Variants in SERPINI1 observed in about 807,000 individuals in gnomAD.
SERPINI1 encodes the protein neuroserpin.
A neutral mutation model predicts 41.1 loss-of-function variants in SERPINI1; 19 were observed. The observed-to-expected ratio is 0.46, with a 90% CI of 0.32 to 0.68. SERPINI1 has a LOEUF of 0.68. Among genes scored for constraint, SERPINI1 ranks in the 30% least tolerant of loss-of-function variants. The pLI is 0.03. For synonymous variants in SERPINI1, 138 were observed against 156.6 expected (o/e 0.88, Z 0.89); for missense variants, 460 against 479.2 (o/e 0.96, Z 0.37).
chr3:167,737,104 T>C lies in SERPINI1; in HGVS notation c.-19+1281T>C, dbSNP rs554274909. 2.0e-5 allele frequency among the ~76,000 whole-genome samples: 3 copies of C among 152,258 alleles called. No homozygotes were observed. The South Asian group carries it at 6.2e-4, about 32-fold the overall frequency. On this transcript the variant is annotated intron_variant, in intron 1 of 8. Coordinates refer to ENST00000446050, the MANE Select transcript of SERPINI1 (RefSeq NM_001122752.2). ...TGAGTTCTCGGGATTTTAAATTTTATTTTTGTAATGCATCCCAAATTTCTT... is the reference window on the plus strand; with the variant it reads ...TGAGTTCTCGGGATTTTAAATTTTACTTTTGTAATGCATCCCAAATTTCTT...
At position 167,817,395 on chromosome 3, in the gene SERPINI1, C is replaced by T. The variant is rs537411519; in HGVS notation, c.980-5591C>T. ...ATAGCTTTTATTCTCTTTCTAATGTCTAGAACGGTTTTACAACAGGCAATC... is the reference window on the plus strand; with the variant it reads ...ATAGCTTTTATTCTCTTTCTAATGTTTAGAACGGTTTTACAACAGGCAATC... On this transcript the variant is annotated intron_variant, in intron 6 of 8. Coordinates refer to ENST00000446050, the MANE Select transcript of SERPINI1 (RefSeq NM_001122752.2). 4.2e-3 allele frequency among the ~76,000 whole-genome samples: 631 copies of T among 151,966 alleles called. 8 individuals are homozygous for T. Among genetic ancestry groups the T allele is most frequent in the African/African-American group, 0.014 (591 of 41,406 alleles).
At chr3:167,768,427 G>A (rs184563874) in intron 1 of SERPINI1, among the ~76,000 whole-genome samples, 1 of 152,240 alleles carries the variant, frequency 6.6e-6, no homozygotes, top group East Asian at 1.9e-4. Flanking sequence ...ACTTTATTGT[G>A]TTATTAACTT....
At chr3:167,778,479 G>T (rs925725276) in intron 1 of SERPINI1, among the ~76,000 whole-genome samples, 3 of 152,166 alleles carry the variant, frequency 2.0e-5, no homozygotes, top group African/African-American at 7.2e-5. Flanking sequence ...GATTCAAACT[G>T]TCTTTGGAAG....
At chr3:167,772,864 C>CTCTCTCTCTATATA (rs1374013676) in intron 1 of SERPINI1, among the ~76,000 whole-genome samples, 73 of 24,570 alleles carry the variant, frequency 3.0e-3, no homozygotes, top group Non-Finnish European at 3.8e-3. Flanking sequence ...CTCTCTCTCT[C>CTCTCTCTCTATATA]TATATATATA....
At chr3:167,790,043 C>G (rs1727446785) in intron 2 of SERPINI1, among the ~76,000 whole-genome samples, 2 of 152,128 alleles carry the variant, frequency 1.3e-5, no homozygotes, top group Non-Finnish European at 2.9e-5. Context: ...GAATTTTAAA[C>G]TAGGTACTTT....
intron 5 of SERPINI1, among the ~76,000 whole-genome samples, chr3:167,805,298 G>A (rs1326056158): frequency 6.6e-6 from 1 of 152,174 alleles, no homozygotes; most frequent in East Asian, 1.9e-4. Context: ...CTAACGACCA[G>A]TGATGATGAG....
intron 1 of SERPINI1, among the ~76,000 whole-genome samples, chr3:167,751,274 G>C (rs1265842847): frequency 5.3e-5 from 8 of 152,174 alleles, no homozygotes; most frequent in Non-Finnish European, 1.0e-4. Flanking sequence ...TATCTGCTAA[G>C]AAACTGCAGA....
At chr3:167,772,877 TATATATATATATATATACACAC>T (rs1357409962) in intron 1 of SERPINI1, among the ~76,000 whole-genome samples, 2 of 64,148 alleles carry the variant, frequency 3.1e-5, no homozygotes, top group East Asian at 8.2e-4. Context: ...TATATATATA[TATATATATATATATATACACAC>T]ACACACACAC....
chr3:167,789,313 T>A lies in SERPINI1; in HGVS notation c.185T>A (p.Leu62His). The change falls in exon 2 of 9, where the codon CTT becomes CAT. Residue 62 changes from leucine (L) to histidine (H), a missense_variant. Transcript: ENST00000446050. ...GCTCTTGCAATGGGAATGATGGAAC[T>A]TGGGGCCCAAGGATCTACCCAGAAA... is the stretch of plus-strand genomic sequence containing the variant. ...SIALAMGMMELGAQGSTQKEI... is the reference protein window; with the variant it reads ...SIALAMGMMEHGAQGSTQKEI... 7.4e-6 allele frequency: 12 copies of A among 1,614,200 alleles called. No individual in the cohort carries two copies. Among genetic ancestry groups the A allele is most frequent in the Non-Finnish European group, 1.0e-5 (12 of 1,180,016 alleles).
At chr3:167,755,911 C>T (rs1009081296) in intron 1 of SERPINI1, among the ~76,000 whole-genome samples, 3 of 151,558 alleles carry the variant, frequency 2.0e-5, no homozygotes, top group African/African-American at 4.9e-5. Context: ...GGGACCAGGC[C>T]GCTGACTGAA....
At chr3:167,815,106 G>A (rs6809129) in intron 6 of SERPINI1, among the ~76,000 whole-genome samples, 25,093 of 152,072 alleles carry the variant, frequency 0.17, 2,514 homozygotes, top group African/African-American at 0.28. Context: ...TGTGCAAGGT[G>A]TTGTGCATAA....
chr3:167,772,291 G>C (rs1726782550), intron 1 of SERPINI1, among the ~76,000 whole-genome samples: 1 of 152,050 alleles, frequency 6.6e-6, no homozygotes, highest in Admixed American at 6.5e-5. Flanking sequence ...TTGAAACTTA[G>C]ATATTTCTAT....
chr3:167,757,868 G>A (rs908526249), intron 1 of SERPINI1, among the ~76,000 whole-genome samples: 4 of 152,118 alleles, frequency 2.6e-5, no homozygotes, highest in African/African-American at 7.2e-5. Flanking sequence ...GCAGTGAGCC[G>A]AGATCACGCC....
At chr3:167,812,845 T>C (rs1711939877) in intron 6 of SERPINI1, among the ~76,000 whole-genome samples, 1 of 152,182 alleles carries the variant, frequency 6.6e-6, no homozygotes, top group Non-Finnish European at 1.5e-5. Flanking sequence ...TGAGAATCAT[T>C]TTCTTCTCAG....
chr3:167,757,642 G>A (rs1726236175), intron 1 of SERPINI1, among the ~76,000 whole-genome samples: 1 of 152,102 alleles, frequency 6.6e-6, no homozygotes, highest in African/African-American at 2.4e-5. Flanking sequence ...ACTGTGGCTG[G>A]GTGTGGTGGC....
At chr3:167,754,788 G>T (rs1726146415) in intron 1 of SERPINI1, among the ~76,000 whole-genome samples, 1 of 152,106 alleles carries the variant, frequency 6.6e-6, no homozygotes, top group African/African-American at 2.4e-5. Context: ...TCCACTTCAG[G>T]AGTTCTCAAT....
chr3:167,817,698 C>T (rs901055813), intron 6 of SERPINI1, among the ~76,000 whole-genome samples: 10 of 151,730 alleles, frequency 6.6e-5, no homozygotes, highest in East Asian at 2.0e-4. Flanking sequence ...CCTGGGTTCA[C>T]GCCATTCTCC....
At position 167,824,445 on chromosome 3, in the gene SERPINI1, A is replaced by G. The variant is rs768701830; in HGVS notation, c.1067-28A>G. 1.2e-5 allele frequency: 18 copies of G among 1,549,840 alleles called. No individual in the cohort carries two copies. The South Asian group carries it at 1.2e-4, about 11-fold the overall frequency. ...CATTAGTCTCTGCACATCCACAGAC[A>G]TATAATTACTTTTTATCTGCACTGT... is the stretch of plus-strand genomic sequence containing the variant. On this transcript the variant is annotated intron_variant, in intron 7 of 8. Transcript: ENST00000446050.
At chr3:167,751,919 C>T (rs1026171693) in intron 1 of SERPINI1, among the ~76,000 whole-genome samples, 1 of 152,090 alleles carries the variant, frequency 6.6e-6, no homozygotes, top group African/African-American at 2.4e-5. Flanking sequence ...AAATTGCCAA[C>T]ATTTGACTAT....
Sources: allele counts gnomAD v4.1 joint callset (sites outside exome capture counted in the v4.1 genomes callset), GRCh38; gene constraint gnomAD v4.1.1; transcripts MANE v1.5; gene names NCBI Gene and HGNC (gene_info 2026-07-23, HGNC 2026-07-21).